The following MAGI2 variants were observed in gnomAD, a reference collection of about 807,000 sequenced individuals.
MAGI2 encodes membrane-associated guanylate kinase, WW and PDZ domain-containing protein 2.
In MAGI2, 35 loss-of-function variants were observed where a neutral mutation model predicts 133.3. The ratio of observed to expected loss-of-function variants is 0.26; its 90% confidence interval spans 0.20 to 0.35. MAGI2 has a LOEUF of 0.35. MAGI2 is among the 10% of genes least tolerant of loss of function. The pLI, the probability that MAGI2 is intolerant of heterozygous loss-of-function variation, is 1.00. For synonymous variants in MAGI2, 729 were observed against 710.6 expected, an observed-to-expected ratio of 1.03 and a Z score of -0.41; for missense variants, 1,636 against 1,863.4, an observed-to-expected ratio of 0.88 and a Z score of 2.25.
intron 3 of MAGI2, among the ~76,000 whole-genome samples, chr7:78,575,993 T>C (rs1317449073): frequency 2.0e-5 from 3 of 152,052 alleles, no homozygotes; most frequent in African/African-American, 7.2e-5. Context: ...ACAGAGAAAA[T>C]TGGATGAAAG....
chr7:78,142,463 T>G (rs1822862067), intron 16 of MAGI2, among the ~76,000 whole-genome samples: 2 of 152,104 alleles, frequency 1.3e-5, no homozygotes. Flanking sequence ...CCCCTGTACA[T>G]CACTAGAAAA....
At chr7:78,201,376 G>T (rs1029087777) in intron 10 of MAGI2, among the ~76,000 whole-genome samples, 183 bp from the exon 11 acceptor site, 1 of 152,182 alleles carries the variant, frequency 6.6e-6, no homozygotes, top group Non-Finnish European at 1.5e-5. Flanking sequence ...CATTGGAATT[G>T]TATTAATGAT....
intron 6 of MAGI2, among the ~76,000 whole-genome samples, chr7:78,442,825 T>C (rs1369196942): frequency 6.6e-6 from 1 of 152,152 alleles, no homozygotes; most frequent in Non-Finnish European, 1.5e-5. Context: ...TTTTTGAAAA[T>C]ACATATTAAA....
chr7:78,861,086 A>G (rs577564861), intron 2 of MAGI2, among the ~76,000 whole-genome samples: 1 of 152,182 alleles, frequency 6.6e-6, no homozygotes, highest in African/African-American at 2.4e-5. Context: ...TGCTAAGGCC[A>G]TTGGAAAAGT....
intron 2 of MAGI2, among the ~76,000 whole-genome samples, chr7:78,662,080 A>G (rs921924925): frequency 1.3e-5 from 2 of 152,206 alleles, no homozygotes; most frequent in African/African-American, 4.8e-5. Context: ...TCTGAGATGT[A>G]GAGTTTTCTT....
chr7:78,596,775 T>G (rs150907140), intron 3 of MAGI2, among the ~76,000 whole-genome samples: 1 of 152,240 alleles, frequency 6.6e-6, no homozygotes, highest in Admixed American at 6.5e-5. Context: ...TCCAGAGTCC[T>G]GATTGTCATC....
chr7:78,698,763 G>C (rs1443266420), intron 2 of MAGI2, among the ~76,000 whole-genome samples: 1 of 152,124 alleles, frequency 6.6e-6, no homozygotes, highest in African/African-American at 2.4e-5. Context: ...GGCAGTGCGA[G>C]AGAGAAGTGT....
chr7:78,223,681 A>T (rs1174933461), intron 10 of MAGI2, among the ~76,000 whole-genome samples: 19 of 152,222 alleles, frequency 1.2e-4, no homozygotes, highest in African/African-American at 4.3e-4. Flanking sequence ...CATTTACTGT[A>T]ATGCCACAAG....
chr7:78,957,290 A>C (rs1454532096), intron 2 of MAGI2, among the ~76,000 whole-genome samples: 1 of 150,498 alleles, frequency 6.6e-6, no homozygotes, highest in Admixed American at 6.6e-5. Context: ...AAAAAAGAAA[A>C]GAAAAGAAAA....
intron 1 of MAGI2, among the ~76,000 whole-genome samples, chr7:79,262,220 T>C (rs779710165): frequency 3.3e-5 from 5 of 152,162 alleles, no homozygotes; most frequent in Non-Finnish European, 7.3e-5. Flanking sequence ...AGGTAGTAAA[T>C]TTCCTATACC....
intron 2 of MAGI2, among the ~76,000 whole-genome samples, chr7:78,731,655 A>G (rs1299051363): frequency 6.6e-6 from 1 of 152,188 alleles, no homozygotes; most frequent in Non-Finnish European, 1.5e-5. Flanking sequence ...CTTACTAAAG[A>G]ATGTACTTCA....
chr7:79,007,931 C>T (rs1353192208), intron 1 of MAGI2, among the ~76,000 whole-genome samples: 3 of 151,028 alleles, frequency 2.0e-5, no homozygotes, highest in Non-Finnish European at 4.4e-5. Flanking sequence ...AACAATTTTG[C>T]GACTGTTTGA....
Position 78,513,280 on chromosome 7 carries a change from C to T in MAGI2, c.754+8150G>A, listed in dbSNP as rs569097323. Among the ~76,000 whole-genome samples, 12 of 152,176 alleles carry T rather than the reference C, an allele frequency of 7.9e-5. No homozygotes were observed. The South Asian group carries it at 1.5e-3, about 18-fold the overall frequency. On this transcript the variant is annotated intron_variant, in intron 4 of 21. Transcript: ENST00000354212. ...TTCTTTGGGGCAAAATTGGAGTCAA[C>T]GTATTTTTTGATGAGGGCAAAAAGT...
intron 1 of MAGI2, among the ~76,000 whole-genome samples, chr7:79,300,335 G>A (rs1460572953): frequency 6.6e-6 from 1 of 152,202 alleles, no homozygotes; most frequent in African/African-American, 2.4e-5. Context: ...AGATTGAAAT[G>A]AGAAATCTTA....
intron 2 of MAGI2, among the ~76,000 whole-genome samples, chr7:78,983,206 T>C (rs1044996526): frequency 3.9e-5 from 6 of 152,014 alleles, no homozygotes; most frequent in African/African-American, 1.2e-4. Context: ...TTGCATTGTA[T>C]TTTAATGAAC....
At position 79,377,789 on chromosome 7, in the gene MAGI2, C is replaced by G. The variant is rs1410192029; in HGVS notation, c.301+75231G>C. On this transcript the variant is annotated intron_variant, in intron 1 of 21. Transcript: ENST00000354212. ...TGCCTACAACAAAAGTAGGAGATAACGGACACACCAACAAAAAACTACAGG... is the reference window on the plus strand; with the variant it reads ...TGCCTACAACAAAAGTAGGAGATAAGGGACACACCAACAAAAAACTACAGG... 2.0e-5 allele frequency among the ~76,000 whole-genome samples: 3 copies of G among 151,784 alleles called. No homozygotes were observed. The East Asian group carries it at 5.8e-4, about 29-fold the overall frequency.
At chr7:78,676,641 TA>T (rs1378351863) in intron 2 of MAGI2, among the ~76,000 whole-genome samples, 2 of 152,124 alleles carry the variant, frequency 1.3e-5, no homozygotes, top group African/African-American at 4.8e-5. Flanking sequence ...ACGCAGTCTG[TA>T]TTTGTTACAT....
intron 3 of MAGI2, chr7:78,618,898 G>A (rs1201988348): frequency 1.4e-5 from 2 of 147,424 alleles, no homozygotes; most frequent in South Asian, 2.2e-4. Context: ...AAGGGGAAAT[G>A]TTGGTCAAAG....
intron 1 of MAGI2, among the ~76,000 whole-genome samples, chr7:79,085,172 CTCTT>C (rs1015508447): frequency 2.0e-5 from 3 of 151,588 alleles, no homozygotes; most frequent in Non-Finnish European, 4.4e-5. Context: ...TCATTATTTT[CTCTT>C]TCTGTTGCTC....
Sources: gnomAD v4.1 joint callset for allele counts (sites outside exome capture counted in the v4.1 genomes callset) on GRCh38, gnomAD v4.1.1 for gene constraint, MANE v1.5 for transcripts, NCBI Gene and HGNC (gene_info 2026-07-23, HGNC 2026-07-21) for gene names.